Variants in ANGPTL8 observed in about 807,000 individuals in gnomAD.
ANGPTL8 encodes angiopoietin like 8.
Under a neutral mutation model 22.6 loss-of-function variants are expected in ANGPTL8, and 24 were observed. That is an observed-to-expected ratio of 1.06 (90% CI 0.77 to 1.49). ANGPTL8 has a LOEUF of 1.49. ANGPTL8 is among the 40% of genes most tolerant of loss of function. ANGPTL8 has a pLI of 0.00. For missense variants in ANGPTL8, 230 were observed against 259.6 expected (o/e 0.89, Z 0.78); for synonymous variants, 88 against 113.4 (o/e 0.78, Z 1.42).
Position 11,239,836 on chromosome 19 carries a change from C to T in ANGPTL8, c.199C>T (p.Leu67=), listed in dbSNP as rs1474985825. Residue 67 remains leucine (L), a synonymous_variant, in exon 1 of 4, where the codon CTG becomes TTG. Coordinates refer to ENST00000252453, the MANE Select transcript of ANGPTL8 (RefSeq NM_018687.7). ...EGRLTKARNS[L]GLYGRTIELL... ...ACGGCTGACAAAGGCCAGGAACAGCCTGGGTCTCTATGGCCGCACAATAGA... is the reference window on the plus strand; with the variant it reads ...ACGGCTGACAAAGGCCAGGAACAGCTTGGGTCTCTATGGCCGCACAATAGA... 5.6e-6 allele frequency: 9 copies of T among 1,602,616 alleles called. No homozygotes were observed. Among genetic ancestry groups the T allele is most frequent in the Non-Finnish European group, 7.7e-6 (9 of 1,174,964 alleles).
At chr19:11,240,729 C>T (rs1048175052) in intron 2 of ANGPTL8, among the ~76,000 whole-genome samples, 2 of 151,664 alleles carry the variant, frequency 1.3e-5, no homozygotes, top group Non-Finnish European at 2.9e-5. Context: ...ACAGGTGCAC[C>T]AGCTAATTTT....
chr19:11,241,841 G>T lies in ANGPTL8; in HGVS notation c.*154G>T. 2 of 1,375,772 alleles carry T rather than the reference G, an allele frequency of 1.5e-6. No individual in the cohort carries two copies. Among genetic ancestry groups the T allele is most frequent in the Non-Finnish European group, 2.0e-6 (2 of 997,524 alleles). The allele number at this position is 1,375,772 out of a possible 1,614,324, so 85.2% of individuals were successfully genotyped here. On this transcript the variant is annotated 3_prime_UTR_variant, in exon 4 of 4. Transcript: ENST00000252453. ...ACAGAGCAGAGACAGACGCAGGCGG[G>T]GACAAAGGCAGAGGATGTAGCCCCA...
intron 2 of ANGPTL8, among the ~76,000 whole-genome samples, chr19:11,240,582 CTTTT>C (rs869249463): frequency 1.5e-5 from 2 of 136,318 alleles, no homozygotes. Context: ...TCAATAAATT[CTTTT>C]TTTTTTTTTT....
In ANGPTL8 at chr19:11,241,863, C is replaced by T; in HGVS notation, c.*176C>T. 7.7e-7 allele frequency: 1 copy of T among 1,294,278 alleles called. No homozygotes were observed. The highest frequency in any genetic ancestry group is 1.1e-6 in the Non-Finnish European group (1 of 929,324). The allele number at this position is 1,294,278 out of a possible 1,614,324, so 80.2% of individuals were successfully genotyped here. A position where few individuals can be genotyped will look rare whatever the true frequency, so the allele number is the denominator to read the frequency against. On this transcript the variant is annotated 3_prime_UTR_variant, in exon 4 of 4. Transcript: ENST00000252453. ...CGGGGACAAAGGCAGAGGATGTAGC[C>T]CCATTGGGGAGGGGTGGAGGAAGGA...
intron 3 of ANGPTL8, 39 bp from the exon 4 acceptor site, chr19:11,241,621 G>C: frequency 1.3e-6 from 2 of 1,563,420 alleles, no homozygotes; most frequent in African/African-American, 1.4e-5. Flanking sequence ...GCTGGAAAGG[G>C]GCCCCCTCAC....
intron 2 of ANGPTL8, 55 bp downstream of exon 2, chr19:11,240,351 C>G: frequency 1.4e-6 from 2 of 1,466,780 alleles, no homozygotes; most frequent in Non-Finnish European, 1.8e-6. Context: ...GGCCAGAACT[C>G]GCTTCTGCAC....
At chr19:11,240,056 A>G in intron 1 of ANGPTL8, 79 bp from the exon 2 acceptor site, 1 of 1,548,158 alleles carries the variant, frequency 6.5e-7, no homozygotes, top group Non-Finnish European at 8.7e-7. Context: ...CAAGATTTTC[A>G]GCGATAAACT....
At chr19:11,241,601 G>A (rs1020159418) in intron 3 of ANGPTL8, 47 bp downstream of exon 3, 11 of 1,557,050 alleles carry the variant, frequency 7.1e-6, no homozygotes, top group African/African-American at 2.7e-5. Flanking sequence ...GATGGGGGGC[G>A]CACAGGGCAG....
In ANGPTL8 at chr19:11,241,480, C is replaced by T. The variant is rs371251856; in HGVS notation, c.495C>T (p.Ala165=). The change falls in exon 3 of 4, where the codon GCC becomes GCT. Residue 165 remains alanine, a synonymous_variant. Coordinates refer to ENST00000252453, the MANE Select transcript of ANGPTL8 (RefSeq NM_018687.7). ...HADKQSHILW[A]LTGHVQRQRR... is the part of the protein sequence containing the mutation. ...ACAAGCAGAGCCACATCCTATGGGC[C>T]CTCACAGGCCACGTGCAGCGGCAGA... is the stretch of plus-strand genomic sequence containing the variant. 2.6e-6 allele frequency: 4 copies of T among 1,552,098 alleles called. No homozygotes were observed. In the African/African-American group the frequency reaches 5.5e-5, roughly 21 times the overall value.
In ANGPTL8 at chr19:11,239,650, GCT is replaced by G; in HGVS notation, c.16_17del (p.Leu6ValfsTer27). MPVP[A>X]LCLLWALAMV... ...TAGACCCTCAGTCATGCCAGTGCCT[GCT>G]CTGTGCCTGCTCTGGGCCCTGGCAA... On this transcript the variant is annotated frameshift_variant, in exon 1 of 4. Transcript: ENST00000252453. LOFTEE classifies it high-confidence loss of function. 6.2e-7 allele frequency: 1 copy of G among 1,613,690 alleles called. No individual in the cohort carries two copies. The highest frequency in any genetic ancestry group is 8.5e-7 in the Non-Finnish European group (1 of 1,179,822).
chr19:11,241,409 G>GGCT, intron 2 of ANGPTL8, 36 bp from the exon 3 acceptor site: 1 of 1,379,496 alleles, frequency 7.2e-7, no homozygotes. Flanking sequence ...GAGGTGAGGT[G>GGCT]GCTGTCGGCT....
rs768124706 is a variant in ANGPTL8, at chr19:11,241,500, G to A, written c.515G>A (p.Arg172Gln). Reference sequence around the variant, plus strand: ...TGGGCCCTCACAGGCCACGTGCAGCGGCAGAGGCGGGAGATGGTGGCACAG... The same window carrying A: ...TGGGCCCTCACAGGCCACGTGCAGCAGCAGAGGCGGGAGATGGTGGCACAG... ...ILWALTGHVQRQRREMVAQQH... is the reference protein window; with the variant it reads ...ILWALTGHVQQQRREMVAQQH... The change falls in exon 3 of 4, where the codon CGG becomes CAG. Residue 172 changes from arginine (R) to glutamine (Q), a missense_variant. Coordinates refer to ENST00000252453, the MANE Select transcript of ANGPTL8 (RefSeq NM_018687.7). The A allele has an allele frequency of 1.9e-5, 30 of 1,552,596 alleles. No individual in the cohort carries two copies. The highest frequency in any genetic ancestry group is 1.7e-4 in the Middle Eastern group (1 of 5,936).
intron 1 of ANGPTL8, 79 bp downstream of exon 1, chr19:11,240,013 G>A: frequency 5.8e-6 from 9 of 1,548,612 alleles, no homozygotes; most frequent in Non-Finnish European, 7.9e-6. Flanking sequence ...CAACCATCCT[G>A]GTTTGCCCAG....
intron 2 of ANGPTL8, among the ~76,000 whole-genome samples, chr19:11,240,736 T>C (rs2079931025): frequency 6.6e-6 from 1 of 151,868 alleles, no homozygotes; most frequent in Non-Finnish European, 1.5e-5. Context: ...CACCAGCTAA[T>C]TTTTGTATTT....
chr19:11,241,921 T>A lies in ANGPTL8; in HGVS notation c.*234T>A. On this transcript the variant is annotated 3_prime_UTR_variant, in exon 4 of 4. Transcript: ENST00000252453. The stretch of plus-strand genomic sequence containing the variant: ...CCTTTCATGCCTACACACCCCTCAT[T>A]AAAGCAGAGTCGTGGCATCTCACCC... 1 of 1,348,544 alleles carries A rather than the reference T, an allele frequency of 7.4e-7. No homozygotes were observed. The highest frequency in any genetic ancestry group is 1.0e-6 in the Non-Finnish European group (1 of 990,560). 83.5% of individuals were successfully genotyped at this position (1,348,544 alleles called of 1,614,324 possible).
chr19:11,241,743 C>A lies in ANGPTL8; in HGVS notation c.*56C>A, dbSNP rs917714579. On this transcript the variant is annotated 3_prime_UTR_variant, in exon 4 of 4. Transcript: ENST00000252453. ...TGCTGCAAGGAACACTTCCACGCCC[C>A]GTGAGGCCCCTGTGCAGGGAGGAGC... 6.7e-5 allele frequency: 105 copies of A among 1,556,208 alleles called. No homozygotes were observed. The highest frequency in any genetic ancestry group is 9.1e-5 in the Non-Finnish European group (105 of 1,150,028).
At chr19:11,240,425 CAGACA>C in intron 2 of ANGPTL8, 129 bp downstream of exon 2, 2 of 954,302 alleles carry the variant, frequency 2.1e-6, no homozygotes, top group Admixed American at 3.2e-5. Flanking sequence ...TGCATGTCCC[CAGACA>C]AAACTCAAGT....
At chr19:11,240,752 T>G (rs1233343926) in intron 2 of ANGPTL8, among the ~76,000 whole-genome samples, 2 of 151,836 alleles carry the variant, frequency 1.3e-5, no homozygotes, top group African/African-American at 4.8e-5. Context: ...TATTTTTTAG[T>G]AGAGATGGGA....
intron 2 of ANGPTL8, among the ~76,000 whole-genome samples, chr19:11,241,150 G>A (rs1291276369): frequency 6.6e-6 from 1 of 151,870 alleles, no homozygotes; most frequent in Non-Finnish European, 1.5e-5. Context: ...GGAGGCTTAG[G>A]TAGGAGAATC....
Sources: gnomAD v4.1 joint callset for allele counts (sites outside exome capture counted in the v4.1 genomes callset) on GRCh38, gnomAD v4.1.1 for gene constraint, MANE v1.5 for transcripts, NCBI Gene and HGNC (gene_info 2026-07-23, HGNC 2026-07-21) for gene names.